The following CEP104 variants were observed in gnomAD, a reference collection of about 807,000 sequenced individuals.
The protein encoded by CEP104 is centrosomal protein 104, also known as centrosomal protein of 104 kDa.
CEP104 carries 84 observed loss-of-function variants against 113.3 expected under a neutral mutation model. That is an observed-to-expected ratio of 0.74 (90% CI 0.62 to 0.89). The LOEUF is 0.89. CEP104 is among the 40% of genes least tolerant of loss of function. The pLI is 0.00. For missense variants in CEP104, 1,053 were observed against 1,156.6 expected, an observed-to-expected ratio of 0.91 and a Z score of 1.30; for synonymous variants, 378 against 421.7, an observed-to-expected ratio of 0.90 and a Z score of 1.27.
In CEP104 at chr1:3,834,111, A is replaced by G. The variant is rs1644266317; in HGVS notation, c.1486-76T>C. ...AAGAGGAAACATGGCATTTACTATC[A>G]GTAACACATACGAACATTATATCGA... On this transcript the variant is annotated intron_variant, in intron 11 of 21. Coordinates refer to ENST00000378230, the MANE Select transcript of CEP104 (RefSeq NM_014704.4). 4.3e-6 allele frequency: 5 copies of G among 1,170,610 alleles called. No individual in the cohort carries two copies. The South Asian group carries it at 6.5e-5, about 15-fold the overall frequency. 72.5% of individuals were successfully genotyped at this position (1,170,610 alleles called of 1,614,324 possible). A position where few individuals can be genotyped will look rare whatever the true frequency, so the allele number is the denominator to read the frequency against.
chr1:3,826,966 T>C (rs1644104263), intron 15 of CEP104, among the ~76,000 whole-genome samples: 1 of 151,514 alleles, frequency 6.6e-6, no homozygotes, highest in Admixed American at 6.6e-5. Flanking sequence ...CTGGGCAACA[T>C]GGCAAACAAA....
rs940920402 is a variant in CEP104, at chr1:3,837,324, G to C, written c.1087C>G (p.Leu363Val). The C allele has an allele frequency of 6.2e-7, 1 of 1,613,704 alleles. No individual in the cohort carries two copies. The highest frequency in any genetic ancestry group is 8.5e-7 in the Non-Finnish European group (1 of 1,179,584). The change falls in exon 9 of 22, where the codon CTC becomes GTC. Residue 363 changes from leucine to valine, a missense_variant. Transcript: ENST00000378230. ...TTTGGATGAGGATCTGTGGCAGGGAGTAACGGGTCTACTGCAGAATGCTGA... is the reference window on the plus strand; with the variant it reads ...TTTGGATGAGGATCTGTGGCAGGGACTAACGGGTCTACTGCAGAATGCTGA... ...SPQHSAVDPL[L>V]PATDPHPKIN... is the part of the protein sequence containing the mutation.
At chr1:3,843,071 C>T (rs755051890) in intron 6 of CEP104, 26 of 542,142 alleles carry the variant, frequency 4.8e-5, no homozygotes, top group African/African-American at 2.2e-4. Flanking sequence ...TACAGGCGTG[C>T]GACATAACGC....
intron 17 of CEP104, 88 bp downstream of exon 17, chr1:3,826,282 A>T (rs893797223): frequency 1.7e-6 from 2 of 1,147,930 alleles, no homozygotes; most frequent in African/African-American, 3.1e-5. Flanking sequence ...CGAAGGGCCA[A>T]CTAGGGAGGA....
Position 3,843,768 on chromosome 1 carries a change from GT to G in CEP104, c.566+1138del, listed in dbSNP as rs982338425. On this transcript the variant is annotated intron_variant, in intron 6 of 21. Transcript: ENST00000378230. ...GAGATTGGTAAAAATTGTGGTGTGT[GT>G]TTTTTTTTTTGAGATGGAGTCTTGC... Among the ~76,000 whole-genome samples, 350 of 147,388 alleles carry G rather than the reference GT, an allele frequency of 2.4e-3. 2 individuals are homozygous for G. Among genetic ancestry groups the G allele is most frequent in the African/African-American group, 8.0e-3 (322 of 40,340 alleles).
At chr1:3,845,994 G>A (rs1332351589) in intron 4 of CEP104, among the ~76,000 whole-genome samples, 3 of 143,586 alleles carry the variant, frequency 2.1e-5, no homozygotes, top group Non-Finnish European at 4.5e-5. Flanking sequence ...CAGGAGAATT[G>A]TTTGAACCTG....
chr1:3,852,428 A>G lies in CEP104; in HGVS notation c.-14-7T>C. On this transcript the variant is annotated splice_polypyrimidine_tract_variant and splice_region_variant and intron_variant, in intron 1 of 21. Transcript: ENST00000378230. ...GGCATTCTGCACGTTTGGGCTGTTT[A>G]TAAGAGCAGGAAAAACTTCTTTAAA... 6.2e-7 allele frequency: 1 copy of G among 1,603,930 alleles called. No individual in the cohort carries two copies. The highest frequency in any genetic ancestry group is 8.5e-7 in the Non-Finnish European group (1 of 1,174,370).
At chr1:3,855,962 C>T (rs1033435907) in intron 1 of CEP104, 2 of 985,258 alleles carry the variant, frequency 2.0e-6, no homozygotes, top group Non-Finnish European at 2.4e-6. Context: ...GCAGCGATGA[C>T]TCCATGGCGG....
chr1:3,817,893 T>C (rs1335426569), intron 20 of CEP104, among the ~76,000 whole-genome samples: 1 of 152,244 alleles, frequency 6.6e-6, no homozygotes, highest in African/African-American at 2.4e-5. Context: ...GTGCCCAGGC[T>C]GGCGTGCTGG....
At chr1:3,850,264 T>C (rs1644585885) in intron 2 of CEP104, among the ~76,000 whole-genome samples, 2 of 152,230 alleles carry the variant, frequency 1.3e-5, no homozygotes, top group South Asian at 4.1e-4. Flanking sequence ...GAACACTTTA[T>C]AGATGAATCA....
At chr1:3,822,601 C>G (rs1174293842) in intron 20 of CEP104, among the ~76,000 whole-genome samples, 1 of 152,224 alleles carries the variant, frequency 6.6e-6, no homozygotes, top group Admixed American at 6.5e-5. Flanking sequence ...AGAATAATTG[C>G]CACGGAGCCT....
At chr1:3,839,482 G>T in intron 7 of CEP104, 126 bp downstream of exon 7, 1 of 872,136 alleles carries the variant, frequency 1.1e-6, no homozygotes, top group Non-Finnish European at 1.8e-6. Context: ...ATTTTGCTGA[G>T]ATCTTTGAAC....
At chr1:3,833,459 T>C (rs1338790865) in intron 12 of CEP104, among the ~76,000 whole-genome samples, 2 of 152,212 alleles carry the variant, frequency 1.3e-5, no homozygotes, top group Admixed American at 1.3e-4. Context: ...CCAAAACTCA[T>C]ACATTTATCT....
rs1473082921 is a variant in CEP104, at chr1:3,813,002, A to G, written c.*2400T>C. 6.6e-6 allele frequency: 1 copy of G among 152,124 alleles called. No homozygotes were observed. The highest frequency in any genetic ancestry group is 1.9e-4 in the East Asian group (1 of 5,194). The allele number at this position is 152,124 out of a possible 1,614,324, so 9.4% of individuals were successfully genotyped here. Reference sequence around the variant, plus strand: ...ATTTTCTTTAAGTTACAATATATAGAAGGCATGTGTATATGTGTGTATATA... The same window carrying G: ...ATTTTCTTTAAGTTACAATATATAGGAGGCATGTGTATATGTGTGTATATA... On this transcript the variant is annotated 3_prime_UTR_variant, in exon 22 of 22. Transcript: ENST00000378230.
intron 2 of CEP104, among the ~76,000 whole-genome samples, chr1:3,850,122 T>A (rs2124696176): frequency 6.6e-6 from 1 of 152,352 alleles, no homozygotes; most frequent in East Asian, 1.9e-4. Flanking sequence ...GAGGGCACTC[T>A]AGGTGTTCGA....
At chr1:3,844,108 A>G (rs77488694) in intron 6 of CEP104, among the ~76,000 whole-genome samples, 2,949 of 152,278 alleles carry the variant, frequency 0.019, 37 homozygotes, top group Non-Finnish European at 0.031. Flanking sequence ...TCACTCCTCT[A>G]AAGAATAAAC....
chr1:3,814,130 C>T lies in CEP104; in HGVS notation c.*1272G>A, dbSNP rs552338461. 1 of 152,350 alleles carries T rather than the reference C, an allele frequency of 6.6e-6. No individual in the cohort carries two copies. The highest frequency in any genetic ancestry group is 2.1e-4 in the South Asian group (1 of 4,830). 9.4% of individuals were successfully genotyped at this position (152,350 alleles called of 1,614,324 possible). ...ACTCCATCAACCCAAACCTTTCTAA[C>T]TATCCTTTTTGAAGTCTGCCCATGC... On this transcript the variant is annotated 3_prime_UTR_variant, in exon 22 of 22. Coordinates refer to ENST00000378230, the MANE Select transcript of CEP104 (RefSeq NM_014704.4).
In CEP104 at chr1:3,823,628, C is replaced by A. The variant is rs1013147722; in HGVS notation, c.2365-66G>T. 1 of 1,605,420 alleles carries A rather than the reference C, an allele frequency of 6.2e-7. No individual in the cohort carries two copies. Among genetic ancestry groups the A allele is most frequent in the African/African-American group, 1.3e-5 (1 of 74,954 alleles). ...GCGGCAGCGCCCTCCAGCCAGCCTG[C>A]AGAGCCTGTGAGCGCCTCCCCTGCC... On this transcript the variant is annotated intron_variant, in intron 18 of 21. Coordinates refer to ENST00000378230, the MANE Select transcript of CEP104 (RefSeq NM_014704.4). This position sits in a 1 kb window ranked among gnomAD's most constrained non-coding sequence, Gnocchi z 4.1.
rs970842177 is a variant in CEP104 at position 3,831,316 on chromosome 1, G to T, written c.1660-94C>A. On this transcript the variant is annotated intron_variant, in intron 12 of 21. Coordinates refer to ENST00000378230, the MANE Select transcript of CEP104 (RefSeq NM_014704.4). The stretch of plus-strand genomic sequence containing the variant: ...ATGATCTTAAACTAAACACTGAAGG[G>T]AAAAACAGGGAAATACAGATTGATA... 119 of 1,028,510 alleles carry T rather than the reference G, an allele frequency of 1.2e-4. No homozygotes were observed. In the Middle Eastern group the frequency reaches 1.7e-3, roughly 15 times the overall value. The allele number at this position is 1,028,510 out of a possible 1,614,324, so 63.7% of individuals were successfully genotyped here.
Sources: gnomAD v4.1 joint callset for allele counts (sites outside exome capture counted in the v4.1 genomes callset) on GRCh38, gnomAD v4.1.1 for gene constraint, Gnocchi (gnomAD v3.1) non-coding constraint, MANE v1.5 for transcripts, NCBI Gene and HGNC (gene_info 2026-07-23, HGNC 2026-07-21) for gene names.